The following CADM1 variants were observed in gnomAD, a reference collection of about 807,000 sequenced individuals.
The protein encoded by CADM1 is cell adhesion molecule 1, also known as TSLC-1.
Under a neutral mutation model 53.1 loss-of-function variants are expected in CADM1, and 15 were observed. The ratio of observed to expected loss-of-function variants is 0.28; its 90% confidence interval spans 0.19 to 0.44. The LOEUF (loss-of-function observed/expected upper bound fraction) is 0.44, where lower values mean the gene tolerates loss of function less well. CADM1 is among the 20% of genes least tolerant of loss of function. The pLI is 1.00. For synonymous variants in CADM1, 281 were observed against 243.0 expected (o/e 1.16, Z -1.45); for missense variants, 434 against 611.3 (o/e 0.71, Z 3.06).
intron 8 of CADM1, among the ~76,000 whole-genome samples, chr11:115,200,683 C>T (rs1223827096): frequency 1.3e-5 from 2 of 152,104 alleles, no homozygotes; most frequent in Non-Finnish European, 2.9e-5. Context: ...TTAGTGGAGA[C>T]GGGGCTTCCC....
intron 4 of CADM1, among the ~76,000 whole-genome samples, chr11:115,229,987 G>T (rs1364049342): frequency 1.3e-5 from 2 of 152,146 alleles, no homozygotes; most frequent in Non-Finnish European, 2.9e-5. Context: ...GGAATGAATA[G>T]GCCAAGGCAG....
chr11:115,374,737 C>A (rs1946396507), intron 1 of CADM1, among the ~76,000 whole-genome samples: 1 of 151,976 alleles, frequency 6.6e-6, no homozygotes, highest in Non-Finnish European at 1.5e-5. Flanking sequence ...ACATGTTAAA[C>A]AACATCAGGA....
intron 1 of CADM1, among the ~76,000 whole-genome samples, chr11:115,362,263 C>T (rs2135097828): frequency 6.6e-6 from 1 of 152,176 alleles, no homozygotes; most frequent in East Asian, 1.9e-4. Flanking sequence ...AAAATAAAAC[C>T]AAGTACCAAA....
intron 1 of CADM1, among the ~76,000 whole-genome samples, chr11:115,283,135 C>T (rs949884965): frequency 1.3e-5 from 2 of 152,150 alleles, no homozygotes; most frequent in East Asian, 1.9e-4. Context: ...GGGTCTGCTG[C>T]TTCATATAGT....
At chr11:115,318,838 C>T (rs989290561) in intron 1 of CADM1, among the ~76,000 whole-genome samples, 14 of 152,092 alleles carry the variant, frequency 9.2e-5, no homozygotes, top group Admixed American at 1.3e-4. Context: ...CTAGGTAATG[C>T]AGTAAGGATC....
intron 8 of CADM1, among the ~76,000 whole-genome samples, chr11:115,202,904 T>G (rs948771343): frequency 6.6e-6 from 1 of 151,640 alleles, no homozygotes; most frequent in African/African-American, 2.4e-5. Context: ...AAAACAAAAA[T>G]AACTGCTGGA....
At chr11:115,488,149 A>G (rs866285058) in intron 1 of CADM1, among the ~76,000 whole-genome samples, 1 of 152,238 alleles carries the variant, frequency 6.6e-6, no homozygotes, top group African/African-American at 2.4e-5. Flanking sequence ...ACAATGCCTA[A>G]GAAATGCAAG....
rs971880356 is a variant in CADM1, at chr11:115,494,480, C to T, written c.124+9791G>A. ...AATATGTCCTTTCTGTATTAGAAGA[C>T]CCAGAAATTAGAGATTATAATCATT... On this transcript the variant is annotated intron_variant, in intron 1 of 11. Coordinates refer to ENST00000331581, the MANE Select transcript of CADM1 (RefSeq NM_001301043.2). Among the ~76,000 whole-genome samples the T allele has an allele frequency of 1.1e-4, 16 of 152,082 alleles. No individual in the cohort carries two copies. The South Asian group carries it at 2.5e-3, about 24-fold the overall frequency.
At chr11:115,238,772 G>T in intron 2 of CADM1, 120 bp from the exon 3 acceptor site, 1 of 1,000,682 alleles carries the variant, frequency 1.0e-6, no homozygotes, top group Non-Finnish European at 1.5e-6. Context: ...TTGGGTGTTT[G>T]CAGTAACTTC....
chr11:115,230,122 G>C (rs1941763278), intron 4 of CADM1, among the ~76,000 whole-genome samples: 1 of 152,156 alleles, frequency 6.6e-6, no homozygotes, highest in Admixed American at 6.5e-5. Context: ...GAGGAAATGA[G>C]AAACTCCTTC....
intron 1 of CADM1, among the ~76,000 whole-genome samples, chr11:115,497,342 C>T (rs1255928257): frequency 1.3e-5 from 2 of 152,202 alleles, no homozygotes; most frequent in Non-Finnish European, 2.9e-5. Context: ...CCTTATCTCC[C>T]TTAAGATAAT....
intron 1 of CADM1, among the ~76,000 whole-genome samples, chr11:115,482,309 ATTG>A (rs1949275068): frequency 6.6e-6 from 1 of 152,176 alleles, no homozygotes; most frequent in Non-Finnish European, 1.5e-5. Flanking sequence ...GGCACATGGT[ATTG>A]TTATTTTTAC....
chr11:115,436,174 T>A (rs1948179235), intron 1 of CADM1, among the ~76,000 whole-genome samples: 3 of 152,182 alleles, frequency 2.0e-5, no homozygotes, highest in Admixed American at 2.0e-4. Flanking sequence ...CATACATACA[T>A]ATTCCCCACA....
At chr11:115,354,061 G>A (rs532851395) in intron 1 of CADM1, among the ~76,000 whole-genome samples, 13 of 152,272 alleles carry the variant, frequency 8.5e-5, no homozygotes, top group Non-Finnish European at 1.3e-4. Context: ...ATTTAATCTG[G>A]CAGCAATATC....
At chr11:115,373,841 A>T (rs1046857262) in intron 1 of CADM1, among the ~76,000 whole-genome samples, 1 of 152,172 alleles carries the variant, frequency 6.6e-6, no homozygotes, top group African/African-American at 2.4e-5. Context: ...CCAGTTTAAG[A>T]ATCTCCAATG....
chr11:115,223,973 AAG>A (rs1555043883), intron 5 of CADM1, among the ~76,000 whole-genome samples: 68 of 92,480 alleles, frequency 7.4e-4, no homozygotes, highest in African/African-American at 2.7e-3. Context: ...AAAAAAAAAA[AAG>A]AGAGAGAGAG....
intron 1 of CADM1, among the ~76,000 whole-genome samples, chr11:115,342,390 T>C (rs1945471452): frequency 6.6e-6 from 1 of 152,088 alleles, no homozygotes; most frequent in African/African-American, 2.4e-5. Context: ...AATCCAAACA[T>C]TGCCTGTGTC....
chr11:115,363,885 A>T (rs1429846964), intron 1 of CADM1, among the ~76,000 whole-genome samples: 1 of 152,152 alleles, frequency 6.6e-6, no homozygotes, highest in East Asian at 1.9e-4. Flanking sequence ...TTCTGTTTAG[A>T]TATGTTTAGA....
intron 1 of CADM1, among the ~76,000 whole-genome samples, chr11:115,318,044 TA>T (rs1944720619): frequency 6.6e-6 from 1 of 151,952 alleles, no homozygotes; most frequent in Non-Finnish European, 1.5e-5. Flanking sequence ...CTTCCCTACT[TA>T]TTTTTTTTAA....
Sources: gnomAD v4.1 joint callset for allele counts (sites outside exome capture counted in the v4.1 genomes callset) on GRCh38, gnomAD v4.1.1 for gene constraint, MANE v1.5 for transcripts, NCBI Gene and HGNC (gene_info 2026-07-23, HGNC 2026-07-21) for gene names.